Variants in CNTNAP5 observed in about 807,000 individuals in gnomAD.
The protein encoded by CNTNAP5 is contactin-associated protein-like 5.
Under a neutral mutation model 150.2 loss-of-function variants are expected in CNTNAP5, and 72 were observed. The ratio of observed to expected loss-of-function variants is 0.48; its 90% CI spans 0.40 to 0.58. The LOEUF is 0.58. Ranked by LOEUF, CNTNAP5 falls within the 20% of genes least tolerant of loss-of-function variation. The probability of loss-of-function intolerance (pLI) is 0.00; values close to 1 mark genes in which losing one functional copy is unlikely to be tolerated. For missense variants in CNTNAP5, 1,636 were observed against 1,626.2 expected, an observed-to-expected ratio of 1.01 and a Z score of -0.10; for synonymous variants, 672 against 619.8, an observed-to-expected ratio of 1.08 and a Z score of -1.25.
At chr2:124,799,045 T>G (rs1280469330) in intron 19 of CNTNAP5, among the ~76,000 whole-genome samples, 1 of 152,176 alleles carries the variant, frequency 6.6e-6, no homozygotes, top group Admixed American at 6.5e-5. Context: ...AAAAGGATTA[T>G]TTTTTAAATT....
intron 13 of CNTNAP5, among the ~76,000 whole-genome samples, chr2:124,689,845 C>T (rs185741883): frequency 1.1e-4 from 17 of 152,204 alleles, no homozygotes; most frequent in Admixed American, 9.2e-4. Context: ...ATTAGCATTA[C>T]TTCTTTTCTC....
chr2:124,509,159 C>T (rs532251301), intron 8 of CNTNAP5, among the ~76,000 whole-genome samples: 11 of 152,260 alleles, frequency 7.2e-5, no homozygotes, highest in South Asian at 2.1e-4. Context: ...CCCTGTTCCC[C>T]GAGCTTTGTA....
At chr2:124,789,833 C>A in intron 17 of CNTNAP5, 69 bp from the exon 18 acceptor site, 2 of 1,445,512 alleles carry the variant, frequency 1.4e-6, no homozygotes, top group Non-Finnish European at 1.9e-6. Context: ...TTACCCATGC[C>A]AACATTAAAC....
chr2:124,329,467 T>C (rs1349371750), intron 3 of CNTNAP5, among the ~76,000 whole-genome samples: 1 of 152,120 alleles, frequency 6.6e-6, no homozygotes, highest in East Asian at 1.9e-4. Flanking sequence ...AGAAAGTCCT[T>C]GGTTCTGAGG....
intron 17 of CNTNAP5, among the ~76,000 whole-genome samples, chr2:124,786,352 GAAGAAAGAAAGAAAGAAAGAAAGAAAGA>G (rs1207108942): frequency 1.7e-5 from 1 of 59,156 alleles, no homozygotes; most frequent in African/African-American, 7.3e-5. Flanking sequence ...AGAAAGAAAG[GAAGAAAGAAAGAAAGAAAGAAAGAAAGA>G]AAGAAAGAAA....
chr2:124,752,651 G>C (rs1157878283), intron 14 of CNTNAP5, among the ~76,000 whole-genome samples: 1 of 152,112 alleles, frequency 6.6e-6, no homozygotes, highest in Non-Finnish European at 1.5e-5. Context: ...AACATATAAA[G>C]AATAATAATT....
At chr2:124,460,543 G>A (rs1181346275) in intron 6 of CNTNAP5, among the ~76,000 whole-genome samples, 1 of 152,044 alleles carries the variant, frequency 6.6e-6, no homozygotes, top group East Asian at 1.9e-4. Context: ...CATCATAAAG[G>A]TTGAGATTTT....
chr2:124,644,173 C>A (rs1460091995), intron 12 of CNTNAP5, among the ~76,000 whole-genome samples: 2 of 152,170 alleles, frequency 1.3e-5, no homozygotes, highest in African/African-American at 4.8e-5. Flanking sequence ...ATGAATTTTG[C>A]TTGTTAAAAA....
At chr2:124,683,779 T>A (rs1050149484) in intron 13 of CNTNAP5, among the ~76,000 whole-genome samples, 14 of 152,214 alleles carry the variant, frequency 9.2e-5, no homozygotes, top group African/African-American at 3.4e-4. Flanking sequence ...GCACTTCACT[T>A]TTCTACCCTC....
intron 3 of CNTNAP5, among the ~76,000 whole-genome samples, chr2:124,404,953 G>A (rs192739039): frequency 3.4e-5 from 5 of 145,738 alleles, no homozygotes; most frequent in Non-Finnish European, 3.0e-5. Context: ...ATATTTGAGA[G>A]TAACAAATAT....
chr2:124,468,372 G>A (rs997588468), intron 6 of CNTNAP5, among the ~76,000 whole-genome samples: 5 of 152,114 alleles, frequency 3.3e-5, no homozygotes, highest in Non-Finnish European at 5.9e-5. Context: ...AACCACTGGT[G>A]TAAGTTCAAG....
intron 13 of CNTNAP5, among the ~76,000 whole-genome samples, chr2:124,709,704 C>G (rs1679766634): frequency 6.6e-6 from 1 of 151,988 alleles, no homozygotes; most frequent in Non-Finnish European, 1.5e-5. Context: ...TGGTCCTAAT[C>G]AATAGTAAAG....
At chr2:124,780,963 C>T (rs1681436914) in intron 17 of CNTNAP5, among the ~76,000 whole-genome samples, 1 of 152,198 alleles carries the variant, frequency 6.6e-6, no homozygotes, top group Admixed American at 6.5e-5. Flanking sequence ...AGGGATCAAC[C>T]TCCTCTTTTC....
chr2:124,812,362 C>T (rs1212796561), intron 19 of CNTNAP5, among the ~76,000 whole-genome samples: 1 of 150,742 alleles, frequency 6.6e-6, no homozygotes, highest in Non-Finnish European at 1.5e-5. Flanking sequence ...AGTCCCCCAA[C>T]CCCCCAGTGA....
At chr2:124,795,239 T>G (rs1681819849) in intron 18 of CNTNAP5, among the ~76,000 whole-genome samples, 1 of 152,222 alleles carries the variant, frequency 6.6e-6, no homozygotes, top group Non-Finnish European at 1.5e-5. Flanking sequence ...ATCCTGTGAT[T>G]GCAGGACATG....
At chr2:124,749,021 C>T (rs1172506328) in intron 14 of CNTNAP5, among the ~76,000 whole-genome samples, 1 of 152,108 alleles carries the variant, frequency 6.6e-6, no homozygotes, top group Non-Finnish European at 1.5e-5. Flanking sequence ...AAACATTATA[C>T]CTCTCAAGAC....
chr2:124,789,337 T>C (rs1294024339), intron 17 of CNTNAP5, among the ~76,000 whole-genome samples: 3 of 152,220 alleles, frequency 2.0e-5, no homozygotes, highest in African/African-American at 7.2e-5. Context: ...TCACTTTTTT[T>C]GTATGTATAC....
intron 1 of CNTNAP5, among the ~76,000 whole-genome samples, chr2:124,077,242 T>G (rs1682459444): frequency 6.6e-6 from 1 of 152,100 alleles, no homozygotes; most frequent in African/African-American, 2.4e-5. Flanking sequence ...AACTACACCG[T>G]GGATAACATA....
At chr2:124,735,944 C>G (rs189159913) in intron 13 of CNTNAP5, among the ~76,000 whole-genome samples, 2 of 152,196 alleles carry the variant, frequency 1.3e-5, no homozygotes, top group African/African-American at 4.8e-5. Flanking sequence ...AAATAAATGA[C>G]TTTATGCTGG....
Sources: allele counts gnomAD v4.1 joint callset (sites outside exome capture counted in the v4.1 genomes callset), GRCh38; gene constraint gnomAD v4.1.1; transcripts MANE v1.5; gene names NCBI Gene and HGNC (gene_info 2026-07-23, HGNC 2026-07-21).